The following PTPN5 variants were observed in gnomAD, a reference collection of about 807,000 sequenced individuals.
PTPN5 encodes the protein protein tyrosine phosphatase non-receptor type 5.
Under a neutral mutation model 73.9 loss-of-function variants are expected in PTPN5, and 29 were observed. The ratio of observed to expected loss-of-function variants is 0.39; its 90% CI spans 0.29 to 0.54. The LOEUF is 0.54. Among genes scored for constraint, PTPN5 ranks in the 20% least tolerant of loss-of-function variants. PTPN5 has a pLI of 0.65. For missense variants in PTPN5, 652 were observed against 751.4 expected, an observed-to-expected ratio of 0.87 and a Z score of 1.55; for synonymous variants, 267 against 304.7, an observed-to-expected ratio of 0.88 and a Z score of 1.29.
At chr11:18,743,625 G>C in intron 4 of PTPN5, 196 bp from the exon 5 acceptor site, 1 of 603,252 alleles carries the variant, frequency 1.7e-6, no homozygotes, top group Non-Finnish European at 2.9e-6. Context: ...GAGAAAAGCT[G>C]ACTGAAGGGA....
chr11:18,764,309 C>T (rs1210776856), intron 3 of PTPN5, among the ~76,000 whole-genome samples: 1 of 152,206 alleles, frequency 6.6e-6, no homozygotes, highest in Non-Finnish European at 1.5e-5. Context: ...CTAAGATACA[C>T]AGAATAGATC....
chr11:18,733,425 C>G lies in PTPN5; in HGVS notation c.1081-53G>C, dbSNP rs1848981598. ...GGGTCAGAGGCAGTGCTCCCAGGAC[C>G]CCATCCCCACACTCAGGCTCTTCAC... On this transcript the variant is annotated intron_variant, in intron 10 of 14. Transcript: ENST00000358540. This position sits in a 1 kb window ranked among gnomAD's most constrained non-coding sequence, Gnocchi z 4.3. The G allele has an allele frequency of 6.2e-7, 1 of 1,609,446 alleles. No homozygotes were observed. Among genetic ancestry groups the G allele is most frequent in the South Asian group, 1.1e-5 (1 of 90,728 alleles).
In PTPN5 at chr11:18,742,163, G is replaced by A. The variant is rs1334746082; in HGVS notation, c.725+99C>T. ...CTGGCTAAGCTATAAGGCCAGCTCTGCCCTGGGCACCAGGAGTCAGAGTCA... is the reference window on the plus strand; with the variant it reads ...CTGGCTAAGCTATAAGGCCAGCTCTACCCTGGGCACCAGGAGTCAGAGTCA... On this transcript the variant is annotated intron_variant, in intron 7 of 14. Coordinates refer to ENST00000358540, the MANE Select transcript of PTPN5 (RefSeq NM_006906.2). This position sits in a 1 kb window ranked among gnomAD's most constrained non-coding sequence, Gnocchi z 4.1. 26 of 1,529,926 alleles carry A rather than the reference G, an allele frequency of 1.7e-5. No homozygotes were observed. Among genetic ancestry groups the A allele is most frequent in the Non-Finnish European group, 2.2e-5 (25 of 1,123,946 alleles). The allele number at this position is 1,529,926 out of a possible 1,614,324, so 94.8% of individuals were successfully genotyped here. A position where few individuals can be genotyped will look rare whatever the true frequency, so the allele number is the denominator to read the frequency against.
chr11:18,772,170 G>T (rs139583319), intron 1 of PTPN5, 99 bp from the exon 2 acceptor site: 337 of 533,278 alleles, frequency 6.3e-4, no homozygotes, highest in Admixed American at 1.1e-3. Flanking sequence ...ATTTCCTTCT[G>T]GGAGTCACCT....
At position 18,729,355 on chromosome 11, in the gene PTPN5, T is replaced by G. The variant is rs1848766972; in HGVS notation, c.1604+98A>C. 2 of 682,724 alleles carry G rather than the reference T, an allele frequency of 2.9e-6. No homozygotes were observed. The allele number at this position is 682,724 out of a possible 1,614,324, so 42.3% of individuals were successfully genotyped here. On this transcript the variant is annotated intron_variant, in intron 14 of 14. Coordinates refer to ENST00000358540, the MANE Select transcript of PTPN5 (RefSeq NM_006906.2). This position sits in a 1 kb window ranked among gnomAD's most constrained non-coding sequence, Gnocchi z 5.2. Reference sequence around the variant, plus strand: ...TCAGTCCGTGCCAGTGTTTTCCATCTGCCCCTCACCCCCCGCCCATGCACA... The same window carrying G: ...TCAGTCCGTGCCAGTGTTTTCCATCGGCCCCTCACCCCCCGCCCATGCACA...
intron 3 of PTPN5, among the ~76,000 whole-genome samples, chr11:18,765,511 T>G (rs1322765442): frequency 4.3e-4 from 65 of 152,144 alleles, no homozygotes; most frequent in Non-Finnish European, 2.4e-4. Flanking sequence ...CAGTGGTCAT[T>G]CCCTAGGAGC....
chr11:18,733,320 C>A lies in PTPN5; in HGVS notation c.1133G>T (p.Ser378Ile). The A allele has an allele frequency of 6.2e-7, 1 of 1,614,178 alleles. No individual in the cohort carries two copies. Among genetic ancestry groups the A allele is most frequent in the South Asian group, 1.1e-5 (1 of 91,090 alleles). The change falls in exon 11 of 15, where the codon AGC becomes ATC. Residue 378 changes from serine (S) to isoleucine (I), a missense_variant. By Grantham distance (142) the Ser-to-Ile change is moderately radical. Around this residue, in one of 3 missense-constraint regions of PTPN5, gnomAD observed 529 missense variants for 573.9 expected, o/e 0.92. Coordinates refer to ENST00000358540, the MANE Select transcript of PTPN5 (RefSeq NM_006906.2). This position sits in a 1 kb window ranked among gnomAD's most constrained non-coding sequence, Gnocchi z 4.3. ...CATGCGCCAGAAGTCGGCGACCGTG[C>A]TGACGATGGGTCCCTGAGTGGCGAT... ...VYIATQGPIV[S>I]TVADFWRMVW...
chr11:18,781,323 C>CTTTTTTTTTTTTTTTTTT lies in PTPN5; in HGVS notation c.-113-9253_-113-9252insAAAAAAAAAAAAAAAAAA, dbSNP rs58611404. ...AGATCAGACTGTCTTTTTTTGACCA[C>CTTTTTTTTTTTTTTTTTT]TTTTTTTTTTTTTTGAGATGGAGTC... On this transcript the variant is annotated intron_variant, in intron 1 of 14. Coordinates refer to ENST00000358540, the MANE Select transcript of PTPN5 (RefSeq NM_006906.2). Among the ~76,000 whole-genome samples, 8 of 114,434 alleles carry CTTTTTTTTTTTTTTTTTT rather than the reference C, an allele frequency of 7.0e-5. 1 individual carries two copies. The highest frequency in any genetic ancestry group is 8.6e-5 in the Non-Finnish European group (5 of 58,208). 75.1% of individuals were successfully genotyped at this position (114,434 alleles called of 152,430 possible). A position where few individuals can be genotyped will look rare whatever the true frequency, so the allele number is the denominator to read the frequency against.
chr11:18,742,443 G>T lies in PTPN5; in HGVS notation c.544C>A (p.Arg182Ser). 1 of 1,614,090 alleles carries T rather than the reference G, an allele frequency of 6.2e-7. No individual in the cohort carries two copies. The highest frequency in any genetic ancestry group is 8.5e-7 in the Non-Finnish European group (1 of 1,180,012). Reference protein sequence around the residue: ...PPTPLPPEDRRQSVSRQPSFT... With the variant: ...PPTPLPPEDRSQSVSRQPSFT... ...GAGGGCTGGCGGCTCACTGACTGGC[G>T]CCTGTCCTCAGGGGGCAGTGGGGTG... Residue 182 changes from arginine to serine, a missense_variant, in exon 7 of 15, where the codon CGC becomes AGC. Arg to Ser is a moderately radical substitution (Grantham distance 110). This residue lies in a region of PTPN5 where 529 missense variants were observed against 573.9 expected (regional missense o/e 0.92). Coordinates refer to ENST00000358540, the MANE Select transcript of PTPN5 (RefSeq NM_006906.2). This position sits in a 1 kb window ranked among gnomAD's most constrained non-coding sequence, Gnocchi z 4.1.
intron 11 of PTPN5, 143 bp from the exon 12 acceptor site, chr11:18,732,845 T>C: frequency 1.5e-6 from 1 of 678,950 alleles, no homozygotes; most frequent in South Asian, 1.9e-5. Context: ...AGCTGCAAAC[T>C]CTATAAGCTA....
chr11:18,731,135 T>C (rs901923360), intron 12 of PTPN5, among the ~76,000 whole-genome samples: 22 of 148,792 alleles, frequency 1.5e-4, no homozygotes, highest in Non-Finnish European at 2.7e-4. Flanking sequence ...CATATATATA[T>C]ACACACACAC....
At chr11:18,764,084 G>A (rs1175556976) in intron 3 of PTPN5, among the ~76,000 whole-genome samples, 1 of 152,102 alleles carries the variant, frequency 6.6e-6, no homozygotes, top group Non-Finnish European at 1.5e-5. Context: ...ATAGTTGAAG[G>A]GGACTTCTGA....
intron 3 of PTPN5, among the ~76,000 whole-genome samples, chr11:18,763,143 G>A (rs566281138): frequency 6.6e-6 from 1 of 152,324 alleles, no homozygotes; most frequent in South Asian, 2.1e-4. Flanking sequence ...TGGGAGTCTA[G>A]AGGGTCACAC....
intron 1 of PTPN5, among the ~76,000 whole-genome samples, chr11:18,785,381 A>G (rs1051064184): frequency 6.6e-6 from 1 of 152,210 alleles, no homozygotes; most frequent in Non-Finnish European, 1.5e-5. Context: ...TAAACAGAGA[A>G]GTCATGACAA....
At chr11:18,775,332 A>T (rs1851097147) in intron 1 of PTPN5, among the ~76,000 whole-genome samples, 1 of 152,238 alleles carries the variant, frequency 6.6e-6, no homozygotes, top group African/African-American at 2.4e-5. Context: ...CCATAAATCT[A>T]TGTGAGTAGC....
chr11:18,782,691 T>C (rs1332555562), intron 1 of PTPN5, among the ~76,000 whole-genome samples: 12 of 152,226 alleles, frequency 7.9e-5, no homozygotes, highest in Non-Finnish European at 2.9e-5. Context: ...CTCTTGGTGA[T>C]GGTTATATGA....
intron 3 of PTPN5, among the ~76,000 whole-genome samples, chr11:18,756,294 CTTT>C (rs552226983): frequency 1.8e-5 from 2 of 111,022 alleles, no homozygotes; most frequent in Admixed American, 1.0e-4. Context: ...ACATCCTTCA[CTTT>C]TTTTTTTTTT....
intron 1 of PTPN5, among the ~76,000 whole-genome samples, chr11:18,788,326 A>C (rs1001558071): frequency 1.3e-5 from 2 of 151,958 alleles, no homozygotes. Context: ...TTACGGTTTG[A>C]TTATGTTTCT....
Position 18,742,224 on chromosome 11 carries a change from A to G in PTPN5, c.725+38T>C. 2.5e-6 allele frequency: 4 copies of G among 1,611,418 alleles called. No individual in the cohort carries two copies. Among genetic ancestry groups the G allele is most frequent in the East Asian group, 2.2e-5 (1 of 44,838 alleles). On this transcript the variant is annotated intron_variant, in intron 7 of 14. Transcript: ENST00000358540. The surrounding 1 kb of genome is among the most constrained non-coding windows in gnomAD (Gnocchi z 4.1). Reference sequence around the variant, plus strand: ...CTTCTGATCAGGAGCTAAGAGCTCAAGGGCCCGTGGAGCCCACCCCTCCTC... The same window carrying G: ...CTTCTGATCAGGAGCTAAGAGCTCAGGGGCCCGTGGAGCCCACCCCTCCTC...
Sources: gnomAD v4.1 joint callset for allele counts (sites outside exome capture counted in the v4.1 genomes callset) on GRCh38, gnomAD v4.1.1 for gene constraint, gnomAD v4.1.1 regional missense constraint, Gnocchi (gnomAD v3.1) non-coding constraint, MANE v1.5 for transcripts, NCBI Gene and HGNC (gene_info 2026-07-23, HGNC 2026-07-21) for gene names.